The following CADM2 variants were observed in gnomAD, a reference collection of about 807,000 sequenced individuals.
The protein encoded by CADM2 is cell adhesion molecule 2, also known as immunoglobulin superfamily member 4D.
CADM2 carries 12 observed loss-of-function variants against 49.8 expected under a neutral mutation model. That is an observed-to-expected ratio of 0.24 (90% CI 0.15 to 0.39). The LOEUF (loss-of-function observed/expected upper bound fraction) is 0.39. CADM2 is among the 10% of genes least tolerant of loss of function. CADM2 has a pLI of 1.00. For missense variants in CADM2, 378 were observed against 492.3 expected (o/e 0.77, Z 2.20); for synonymous variants, 214 against 175.4 (o/e 1.22, Z -1.74).
At chr3:85,919,607 A>G (rs1416152488) in intron 6 of CADM2, among the ~76,000 whole-genome samples, 1 of 151,918 alleles carries the variant, frequency 6.6e-6, no homozygotes, top group Non-Finnish European at 1.5e-5. Context: ...TTATATCTCT[A>G]TTCTAGTTAC....
intron 1 of CADM2, among the ~76,000 whole-genome samples, chr3:85,007,989 C>A (rs2033819346): frequency 6.6e-6 from 1 of 152,048 alleles, no homozygotes; most frequent in Non-Finnish European, 1.5e-5. Context: ...ATTGGATGGT[C>A]CAGGAAGAGT....
chr3:85,983,802 T>C (rs898705525), intron 8 of CADM2, among the ~76,000 whole-genome samples: 10 of 150,962 alleles, frequency 6.6e-5, no homozygotes, highest in Non-Finnish European at 5.9e-5. Flanking sequence ...TACCTATCTA[T>C]CTATCTATCT....
chr3:85,313,247 C>T (rs2107061276), intron 1 of CADM2, among the ~76,000 whole-genome samples: 1 of 152,170 alleles, frequency 6.6e-6, no homozygotes, highest in East Asian at 1.9e-4. Flanking sequence ...TACTACCTGT[C>T]ATTAGCTACA....
chr3:85,598,275 C>T (rs1383381659), intron 1 of CADM2, among the ~76,000 whole-genome samples: 1 of 151,996 alleles, frequency 6.6e-6, no homozygotes, highest in Non-Finnish European at 1.5e-5. Context: ...CTTAGAAACT[C>T]TCATACACCT....
At chr3:85,574,011 A>AATGT (rs1368940093) in intron 1 of CADM2, among the ~76,000 whole-genome samples, 3 of 152,162 alleles carry the variant, frequency 2.0e-5, no homozygotes, top group African/African-American at 7.2e-5. Flanking sequence ...GATTATGTCC[A>AATGT]ATGTATCCAT....
chr3:85,017,314 A>G (rs1022605695), intron 1 of CADM2, among the ~76,000 whole-genome samples: 1 of 152,198 alleles, frequency 6.6e-6, no homozygotes, highest in Non-Finnish European at 1.5e-5. Flanking sequence ...ATTAACGTTG[A>G]AATTACTTTG....
In CADM2 at chr3:85,769,230, A is replaced by G. The variant is rs181294806; in HGVS notation, c.89-32817A>G. 3.9e-4 allele frequency among the ~76,000 whole-genome samples: 47 copies of G among 120,090 alleles called. 1 individual carries two copies. Among genetic ancestry groups the G allele is most frequent in the African/African-American group, 1.5e-3 (43 of 27,936 alleles). The allele number at this position is 120,090 out of a possible 152,430, so 78.8% of individuals were successfully genotyped here. On this transcript the variant is annotated intron_variant, in intron 2 of 9. Transcript: ENST00000383699. ...ATATACATATATAGTATATATACAC[A>G]CATATACACATATATACATATATAG... is the stretch of plus-strand genomic sequence containing the variant.
chr3:86,036,643 A>G (rs1420150404), intron 8 of CADM2, among the ~76,000 whole-genome samples: 1 of 152,154 alleles, frequency 6.6e-6, no homozygotes, highest in African/African-American at 2.4e-5. Context: ...GATCCAATTT[A>G]TAAATTCCCT....
intron 1 of CADM2, among the ~76,000 whole-genome samples, chr3:85,697,633 G>A (rs368197826): frequency 1.3e-5 from 2 of 152,248 alleles, no homozygotes; most frequent in South Asian, 2.1e-4. Context: ...GTAGTAAATA[G>A]ATATTTACAT....
intron 1 of CADM2, among the ~76,000 whole-genome samples, chr3:85,308,316 C>CT (rs1177797154): frequency 2.4e-5 from 3 of 124,970 alleles, no homozygotes; most frequent in Non-Finnish European, 3.2e-5. Flanking sequence ...TCTCTACACA[C>CT]ACACACACAC....
chr3:85,353,695 A>G (rs9879417), intron 1 of CADM2, among the ~76,000 whole-genome samples: 141,731 of 151,884 alleles, frequency 0.93, 66,392 homozygotes, highest in Non-Finnish European at 0.97. Flanking sequence ...CATGTCAATA[A>G]TAAAAGTATA....
At position 85,741,471 on chromosome 3, in the gene CADM2, A is replaced by T. The variant is rs554210298; in HGVS notation, c.88+14923A>T. ...GATCACAAGGTCAGGAGTTCGAGAC[A>T]ATCCTAGCCAACATGGTGAAACCCC... is the stretch of plus-strand genomic sequence containing the variant. On this transcript the variant is annotated intron_variant, in intron 2 of 9. Transcript: ENST00000383699. Among the ~76,000 whole-genome samples, 91 of 152,226 alleles carry T rather than the reference A, an allele frequency of 6.0e-4. 2 individuals carry two copies. The highest frequency in any genetic ancestry group is 2.1e-3 in the African/African-American group (87 of 41,558).
intron 1 of CADM2, among the ~76,000 whole-genome samples, chr3:85,657,972 T>C (rs2065265171): frequency 6.6e-6 from 1 of 152,020 alleles, no homozygotes; most frequent in African/African-American, 2.4e-5. Context: ...TGTATATCTC[T>C]AATTTGTATG....
intron 1 of CADM2, among the ~76,000 whole-genome samples, chr3:85,060,579 C>T (rs527616197): frequency 6.6e-6 from 1 of 152,192 alleles, no homozygotes; most frequent in African/African-American, 2.4e-5. Flanking sequence ...TATTTTTATA[C>T]AAATCATTAA....
At chr3:85,244,192 C>T (rs2107842307) in intron 1 of CADM2, among the ~76,000 whole-genome samples, 1 of 152,150 alleles carries the variant, frequency 6.6e-6, no homozygotes, top group South Asian at 2.1e-4. Flanking sequence ...GCTAATCATG[C>T]TGACCACTTT....
At chr3:85,514,563 T>A (rs2060848689) in intron 1 of CADM2, among the ~76,000 whole-genome samples, 1 of 152,098 alleles carries the variant, frequency 6.6e-6, no homozygotes, top group Non-Finnish European at 1.5e-5. Flanking sequence ...AAGACCTTGA[T>A]GTCCTATAAT....
chr3:85,774,982 A>G (rs996747012), intron 2 of CADM2, among the ~76,000 whole-genome samples: 1 of 151,742 alleles, frequency 6.6e-6, no homozygotes, highest in Non-Finnish European at 1.5e-5. Flanking sequence ...ATAATTTCAG[A>G]TAGATATATA....
At chr3:85,822,856 A>G (rs2073673193) in intron 3 of CADM2, among the ~76,000 whole-genome samples, 1 of 152,178 alleles carries the variant, frequency 6.6e-6, no homozygotes, top group South Asian at 2.1e-4. Context: ...CGATATCAAG[A>G]TCATCACTTT....
intron 1 of CADM2, among the ~76,000 whole-genome samples, chr3:85,380,015 A>G (rs1302437165): frequency 2.0e-5 from 3 of 152,160 alleles, no homozygotes; most frequent in Admixed American, 2.0e-4. Context: ...ATTTCTGAAA[A>G]ACATGTCCAA....
Sources: allele counts gnomAD v4.1 joint callset (sites outside exome capture counted in the v4.1 genomes callset), GRCh38; gene constraint gnomAD v4.1.1; transcripts MANE v1.5; gene names NCBI Gene and HGNC (gene_info 2026-07-23, HGNC 2026-07-21).